Variants in XKR4 observed in about 807,000 individuals in gnomAD.
The protein encoded by XKR4 is XK related 4, also known as XK-related protein 4.
Under a neutral mutation model 53.9 loss-of-function variants are expected in XKR4, and 12 were observed. That is an observed-to-expected ratio of 0.22 (90% CI 0.14 to 0.36). The LOEUF (loss-of-function observed/expected upper bound fraction) is 0.36. Among genes scored for constraint, XKR4 ranks in the 10% least tolerant of loss-of-function variants. XKR4 has a pLI of 1.00. For missense variants in XKR4, 799 were observed against 859.5 expected (o/e 0.93, Z 0.88); for synonymous variants, 354 against 362.4 (o/e 0.98, Z 0.26).
At chr8:55,129,256 G>A (rs778321570) in intron 1 of XKR4, among the ~76,000 whole-genome samples, 1 of 152,100 alleles carries the variant, frequency 6.6e-6, no homozygotes, top group South Asian at 2.1e-4. Flanking sequence ...GTCAAGAAAA[G>A]AATTTTCTAA....
intron 1 of XKR4, among the ~76,000 whole-genome samples, chr8:55,210,213 A>C (rs1817712454): frequency 6.6e-6 from 1 of 151,560 alleles, no homozygotes; most frequent in African/African-American, 2.4e-5. Flanking sequence ...GCCTCCTGAG[A>C]AGCTGGGATT....
intron 1 of XKR4, among the ~76,000 whole-genome samples, chr8:55,199,455 G>A (rs1234410704): frequency 6.6e-6 from 1 of 152,096 alleles, no homozygotes; most frequent in Non-Finnish European, 1.5e-5. Context: ...GGTACTGTGC[G>A]CTTTCTAAAA....
intron 2 of XKR4, among the ~76,000 whole-genome samples, chr8:55,363,563 G>C (rs192398400): frequency 6.6e-6 from 1 of 152,172 alleles, no homozygotes; most frequent in Non-Finnish European, 1.5e-5. Flanking sequence ...GCACTCTTGA[G>C]ACCTAACACT....
chr8:55,284,831 T>C (rs1459620841), intron 1 of XKR4, among the ~76,000 whole-genome samples: 1 of 152,198 alleles, frequency 6.6e-6, no homozygotes, highest in Admixed American at 6.5e-5. Context: ...TGTAGACATA[T>C]GTTTATTGCA....
At chr8:55,162,301 A>G (rs536881991) in intron 1 of XKR4, among the ~76,000 whole-genome samples, 3 of 152,296 alleles carry the variant, frequency 2.0e-5, no homozygotes, top group South Asian at 2.1e-4. Flanking sequence ...GACATCCAGC[A>G]CTGTCCAGCA....
intron 1 of XKR4, among the ~76,000 whole-genome samples, chr8:55,291,474 C>T (rs1213062284): frequency 6.6e-6 from 1 of 152,290 alleles, no homozygotes; most frequent in East Asian, 1.9e-4. Context: ...CTTTACTATG[C>T]TGACTCTCCC....
chr8:55,160,937 C>T (rs144816619), intron 1 of XKR4, among the ~76,000 whole-genome samples: 3 of 152,230 alleles, frequency 2.0e-5, no homozygotes, highest in East Asian at 1.9e-4. Flanking sequence ...TGGTGTATTT[C>T]GGTGGGTGGA....
At chr8:55,340,632 A>G (rs1231819487) in intron 1 of XKR4, among the ~76,000 whole-genome samples, 2 of 152,232 alleles carry the variant, frequency 1.3e-5, no homozygotes, top group Admixed American at 6.5e-5. Flanking sequence ...CACAGTTAGG[A>G]TGCACAACAA....
chr8:55,426,239 T>C (rs534184525), intron 2 of XKR4, among the ~76,000 whole-genome samples: 1 of 152,382 alleles, frequency 6.6e-6, no homozygotes, highest in Non-Finnish European at 1.5e-5. Flanking sequence ...TCTTTTGCTT[T>C]AGTGATGCTA....
intron 1 of XKR4, among the ~76,000 whole-genome samples, chr8:55,198,690 C>T (rs562435658): frequency 6.6e-6 from 1 of 152,076 alleles, no homozygotes; most frequent in East Asian, 1.9e-4. Context: ...AGAAGAAATA[C>T]TAGTATCTGC....
At chr8:55,387,748 C>A (rs1804344620) in intron 2 of XKR4, among the ~76,000 whole-genome samples, 1 of 152,180 alleles carries the variant, frequency 6.6e-6, no homozygotes, top group African/African-American at 2.4e-5. Flanking sequence ...CTTGGCTGTA[C>A]CCACATGCAA....
At chr8:55,496,390 A>C (rs534581270) in intron 2 of XKR4, among the ~76,000 whole-genome samples, 4 of 152,302 alleles carry the variant, frequency 2.6e-5, no homozygotes, top group Non-Finnish European at 5.9e-5. Flanking sequence ...AAAACAAAAA[A>C]AAAATTACCA....
intron 1 of XKR4, among the ~76,000 whole-genome samples, chr8:55,176,555 A>G (rs1563475601): frequency 6.6e-6 from 1 of 152,144 alleles, no homozygotes; most frequent in Non-Finnish European, 1.5e-5. Context: ...TCTAAAAGCA[A>G]TTCATTTTAT....
chr8:55,153,609 T>C (rs1816866906), intron 1 of XKR4, among the ~76,000 whole-genome samples: 1 of 152,232 alleles, frequency 6.6e-6, no homozygotes, highest in Non-Finnish European at 1.5e-5. Flanking sequence ...TGATGAACCC[T>C]GAGAATATGC....
chr8:55,125,812 T>C (rs1325281165), intron 1 of XKR4, among the ~76,000 whole-genome samples: 1 of 152,142 alleles, frequency 6.6e-6, no homozygotes, highest in East Asian at 1.9e-4. Flanking sequence ...ACAAGTTCAT[T>C]TATGAGTAAA....
intron 2 of XKR4, among the ~76,000 whole-genome samples, chr8:55,373,312 A>G (rs1382010999): frequency 6.6e-6 from 1 of 152,092 alleles, no homozygotes; most frequent in African/African-American, 2.4e-5. Flanking sequence ...GATTACAGGC[A>G]TGCACCACCA....
At chr8:55,356,772 A>G (rs1585536315) in intron 1 of XKR4, among the ~76,000 whole-genome samples, 2 of 152,200 alleles carry the variant, frequency 1.3e-5, no homozygotes, top group Admixed American at 6.5e-5. Context: ...CTTGAACAAT[A>G]CAAGTTTGAA....
intron 2 of XKR4, among the ~76,000 whole-genome samples, chr8:55,497,854 C>T (rs1215867246): frequency 6.6e-6 from 1 of 152,124 alleles, no homozygotes; most frequent in African/African-American, 2.4e-5. Context: ...CCCCTAATAC[C>T]TTCCCACCTC....
At chr8:55,177,720 C>T (rs906326555) in intron 1 of XKR4, among the ~76,000 whole-genome samples, 3 of 152,218 alleles carry the variant, frequency 2.0e-5, no homozygotes, top group African/African-American at 7.2e-5. Context: ...ATAAATGTCA[C>T]ATTGCTTCTT....
Sources: allele counts gnomAD v4.1 joint callset (sites outside exome capture counted in the v4.1 genomes callset), GRCh38; gene constraint gnomAD v4.1.1; transcripts MANE v1.5; gene names NCBI Gene and HGNC (gene_info 2026-07-23, HGNC 2026-07-21).